The following BUD31 variants were observed in gnomAD, a reference collection of about 807,000 sequenced individuals.
The protein encoded by BUD31 is BUD31 spliceosome associated protein.
In BUD31, 9 loss-of-function variants were observed where a neutral mutation model predicts 17.9. That is an observed-to-expected ratio of 0.50 (90% CI 0.30 to 0.88). The LOEUF (loss-of-function observed/expected upper bound fraction) is 0.88. Among genes scored for constraint, BUD31 ranks in the 40% least tolerant of loss-of-function variants. BUD31 has a pLI of 0.06. For synonymous variants in BUD31, 70 were observed against 64.7 expected, an observed-to-expected ratio of 1.08 and a Z score of -0.39; for missense variants, 148 against 184.5, an observed-to-expected ratio of 0.80 and a Z score of 1.15.
intron 3 of BUD31, among the ~76,000 whole-genome samples, chr7:99,411,544 C>T (rs957443991): frequency 3.3e-5 from 5 of 152,056 alleles, no homozygotes; most frequent in Admixed American, 6.6e-5. Flanking sequence ...TCAGTATCAT[C>T]GATTAGTCTT....
intron 2 of BUD31, 55 bp downstream of exon 2, chr7:99,410,224 TGTTTG>T (rs1011879685): frequency 1.3e-5 from 2 of 152,060 alleles, no homozygotes; most frequent in African/African-American, 4.8e-5. Context: ...TGTTTTGTTT[TGTTTG>T]TTATTGAGAC....
At chr7:99,412,487 G>C (rs1795228404) in intron 3 of BUD31, among the ~76,000 whole-genome samples, 2 of 152,176 alleles carry the variant, frequency 1.3e-5, no homozygotes, top group Non-Finnish European at 2.9e-5. Context: ...GGAGTGCAGT[G>C]GTTCAATCAC....
At position 99,408,971 on chromosome 7, in the gene BUD31, C is replaced by A; in HGVS notation, c.-440C>A. The A allele has an allele frequency of 6.2e-6, 1 of 161,634 alleles. No homozygotes were observed. Among genetic ancestry groups the A allele is most frequent in the Admixed American group, 6.4e-5 (1 of 15,556 alleles). The allele number at this position is 161,634 out of a possible 1,614,324, so 10.0% of individuals were successfully genotyped here. ...CGCCTGAAGAGCGGAAGCCTTCTGT[C>A]GAGAAGCAGCTACCCAAGCTCCAGG... is the stretch of plus-strand genomic sequence containing the variant. On this transcript the variant is annotated 5_prime_UTR_variant, in exon 1 of 6. Coordinates refer to ENST00000222969, the MANE Select transcript of BUD31 (RefSeq NM_003910.4).
rs1200156390 is a variant in BUD31, at chr7:99,417,453, A to G, written c.242A>G (p.Glu81Gly). ...GAACTCTATGAATATTGTATTAAAGAAGGCTATGCAGACAAAAACCTGATT... is the reference window on the plus strand; with the variant it reads ...GAACTCTATGAATATTGTATTAAAGGAGGCTATGCAGACAAAAACCTGATT... ...SRELYEYCIKEGYADKNLIAK... is the reference protein window; with the variant it reads ...SRELYEYCIKGGYADKNLIAK... Residue 81 changes from glutamate (E) to glycine (G), a missense_variant, in exon 5 of 6, where the codon GAA becomes GGA. Glu to Gly is a moderately conservative substitution (Grantham distance 98, BLOSUM62 -2). Coordinates refer to ENST00000222969, the MANE Select transcript of BUD31 (RefSeq NM_003910.4). 6.2e-7 allele frequency: 1 copy of G among 1,613,580 alleles called. No homozygotes were observed. The highest frequency in any genetic ancestry group is 1.3e-5 in the African/African-American group (1 of 74,900).
At chr7:99,416,498 C>T (rs1027852631) in intron 4 of BUD31, among the ~76,000 whole-genome samples, 33 of 152,150 alleles carry the variant, frequency 2.2e-4, no homozygotes, top group African/African-American at 7.9e-4. Flanking sequence ...TGGCTCACTG[C>T]AAGCTCCACT....
chr7:99,417,722 T>A, intron 5 of BUD31, 127 bp downstream of exon 5: 1 of 1,538,850 alleles, frequency 6.5e-7, no homozygotes, highest in South Asian at 1.2e-5. Context: ...CTGCTGGCTC[T>A]CCCTCGTGGG....
intron 3 of BUD31, among the ~76,000 whole-genome samples, chr7:99,415,619 C>T (rs976071081): frequency 6.6e-6 from 1 of 151,718 alleles, no homozygotes; most frequent in African/African-American, 2.4e-5. Flanking sequence ...TGCTAAGTAG[C>T]GGGTGTTTTT....
chr7:99,416,035 G>C (rs1219877366), intron 3 of BUD31, 103 bp from the exon 4 acceptor site: 1 of 1,498,434 alleles, frequency 6.7e-7, no homozygotes, highest in African/African-American at 1.4e-5. Context: ...CCATCCTAGT[G>C]GGTATAAAGT....
chr7:99,415,326 G>A, intron 3 of BUD31: 2 of 449,524 alleles, frequency 4.4e-6, no homozygotes, highest in Non-Finnish European at 8.9e-6. Context: ...CTGGCACCAA[G>A]GCAGAGAGAG....
intron 3 of BUD31, among the ~76,000 whole-genome samples, chr7:99,414,792 T>G (rs1005977761): frequency 6.6e-6 from 1 of 152,062 alleles, no homozygotes; most frequent in Non-Finnish European, 1.5e-5. Context: ...GAGATGGGGT[T>G]TCACCATGTT....
intron 3 of BUD31, among the ~76,000 whole-genome samples, chr7:99,413,182 T>G (rs1795257171): frequency 1.3e-5 from 2 of 152,058 alleles, no homozygotes; most frequent in South Asian, 4.1e-4. Flanking sequence ...TTGTAATTCC[T>G]AGGTAATAGA....
rs748459774 is a variant in BUD31 at position 99,411,656 on chromosome 7, G to A, written c.94+470G>A. 108 of 454,108 alleles carry A rather than the reference G, an allele frequency of 2.4e-4. 1 individual carries two copies. The highest frequency in any genetic ancestry group is 2.8e-4 in the South Asian group (18 of 64,238). 28.1% of individuals were successfully genotyped at this position (454,108 alleles called of 1,614,324 possible). A position where few individuals can be genotyped will look rare whatever the true frequency, so the allele number is the denominator to read the frequency against. ...TTGGAAATTTTATCTGAAGCCACAA[G>A]CATCTGTTGGCCTTATATGATCACA... On this transcript the variant is annotated intron_variant, in intron 3 of 5. Coordinates refer to ENST00000222969, the MANE Select transcript of BUD31 (RefSeq NM_003910.4).
chr7:99,415,780 A>G (rs1004558443), intron 3 of BUD31, among the ~76,000 whole-genome samples: 13 of 152,118 alleles, frequency 8.5e-5, no homozygotes, highest in Non-Finnish European at 1.0e-4. Flanking sequence ...AGTTCTCACT[A>G]TGTCCCCTCA....
intron 5 of BUD31, chr7:99,418,071 G>A (rs1291747545): frequency 1.6e-5 from 14 of 888,504 alleles, no homozygotes; most frequent in South Asian, 7.7e-5. Flanking sequence ...GGGTTCAAGC[G>A]GTTCTCCTGC....
At chr7:99,416,388 C>T in intron 4 of BUD31, 128 bp downstream of exon 4, 1 of 1,245,460 alleles carries the variant, frequency 8.0e-7, no homozygotes, top group East Asian at 2.4e-5. Flanking sequence ...TAGGGGGAGC[C>T]AACGTTGGCT....
At chr7:99,414,742 T>C (rs1211964980) in intron 3 of BUD31, among the ~76,000 whole-genome samples, 1 of 152,104 alleles carries the variant, frequency 6.6e-6, no homozygotes, top group East Asian at 1.9e-4. Flanking sequence ...ATTACAGGCA[T>C]GCGCCACCAT....
chr7:99,415,924 ATATC>A (rs1388342096), intron 3 of BUD31, among the ~76,000 whole-genome samples: 2 of 151,864 alleles, frequency 1.3e-5, no homozygotes, highest in African/African-American at 2.4e-5. Flanking sequence ...TCTAAGATCT[ATATC>A]TAGTATAACT....
chr7:99,409,773 G>A (rs959944999), intron 1 of BUD31, among the ~76,000 whole-genome samples: 3 of 132,974 alleles, frequency 2.3e-5, no homozygotes, highest in Non-Finnish European at 4.8e-5. Flanking sequence ...TGTGGGCGGG[G>A]GGGGGGTGGG....
intron 3 of BUD31, among the ~76,000 whole-genome samples, chr7:99,412,245 C>G (rs1426408908): frequency 6.6e-6 from 1 of 152,182 alleles, no homozygotes; most frequent in Non-Finnish European, 1.5e-5. Context: ...TGAGAGATGT[C>G]TTCCCGAAAC....
Sources: allele counts gnomAD v4.1 joint callset (sites outside exome capture counted in the v4.1 genomes callset), GRCh38; gene constraint gnomAD v4.1.1; transcripts MANE v1.5; gene names NCBI Gene and HGNC (gene_info 2026-07-23, HGNC 2026-07-21).